Variants in KCNJ6 observed in about 807,000 individuals in gnomAD.
KCNJ6 encodes G protein-activated inward rectifier potassium channel 2.
KCNJ6 carries 9 observed loss-of-function variants against 34.2 expected under a neutral mutation model. The ratio of observed to expected loss-of-function variants is 0.26; its 90% CI spans 0.16 to 0.46. The LOEUF (loss-of-function observed/expected upper bound fraction) is 0.46, where lower values mean the gene tolerates loss of function less well. Among genes scored for constraint, KCNJ6 ranks in the 20% least tolerant of loss-of-function variants. KCNJ6 has a pLI of 1.00. For synonymous variants in KCNJ6, 196 were observed against 207.1 expected, an observed-to-expected ratio of 0.95 and a Z score of 0.46; for missense variants, 236 against 531.3, an observed-to-expected ratio of 0.44 and a Z score of 5.46.
chr21:37,818,125 C>T (rs989882707), intron 2 of KCNJ6, among the ~76,000 whole-genome samples: 2 of 152,082 alleles, frequency 1.3e-5, no homozygotes, highest in Non-Finnish European at 2.9e-5. Flanking sequence ...CCTTATTTCC[C>T]AAACCCTAGG....
intron 1 of KCNJ6, among the ~76,000 whole-genome samples, chr21:37,849,559 C>T (rs994175850): frequency 2.6e-5 from 4 of 152,196 alleles, no homozygotes; most frequent in South Asian, 2.1e-4. Context: ...CCCAGCTCCC[C>T]GCATTCCATG....
chr21:37,610,806 A>G lies in KCNJ6; in HGVS notation c.*14353T>C, dbSNP rs1475039962. ...TATTTTGAAATAAATGAAAATAAAA[A>G]CATAGCTTATTATAATTTGTGGGAT... On this transcript the variant is annotated 3_prime_UTR_variant, in exon 4 of 4. Transcript: ENST00000609713. 6.6e-6 allele frequency: 1 copy of G among 152,092 alleles called. No individual in the cohort carries two copies. Among genetic ancestry groups the G allele is most frequent in the Non-Finnish European group, 1.5e-5 (1 of 67,998 alleles). The allele number at this position is 152,092 out of a possible 1,614,324, so 9.4% of individuals were successfully genotyped here. A position where few individuals can be genotyped will look rare whatever the true frequency, so the allele number is the denominator to read the frequency against.
chr21:37,873,026 T>C (rs1013514925), intron 1 of KCNJ6, among the ~76,000 whole-genome samples: 1 of 152,190 alleles, frequency 6.6e-6, no homozygotes, highest in African/African-American at 2.4e-5. Context: ...CCTTTATAAA[T>C]TACCCAGTCT....
intron 1 of KCNJ6, among the ~76,000 whole-genome samples, chr21:37,885,133 G>A (rs533830651): frequency 1.1e-3 from 164 of 152,332 alleles, no homozygotes; most frequent in Non-Finnish European, 1.5e-3. Flanking sequence ...ACTGCACCCT[G>A]AGTGCTTGGT....
At chr21:37,644,958 G>C (rs1164510083) in intron 3 of KCNJ6, among the ~76,000 whole-genome samples, 1 of 151,354 alleles carries the variant, frequency 6.6e-6, no homozygotes, top group Non-Finnish European at 1.5e-5. Context: ...ATGGGGAGGA[G>C]GGCTGATGAG....
chr21:37,754,266 A>G (rs574160064), intron 2 of KCNJ6, among the ~76,000 whole-genome samples: 1 of 152,352 alleles, frequency 6.6e-6, no homozygotes, highest in South Asian at 2.1e-4. Context: ...TGAGACCTCA[A>G]GGAGACAAAG....
At chr21:37,807,585 G>A (rs775758583) in intron 2 of KCNJ6, among the ~76,000 whole-genome samples, 3 of 152,118 alleles carry the variant, frequency 2.0e-5, no homozygotes, top group Non-Finnish European at 4.4e-5. Context: ...AAATACCATT[G>A]TGTTCCAATT....
chr21:37,908,394 T>A (rs1414751090), intron 1 of KCNJ6, among the ~76,000 whole-genome samples: 1 of 152,210 alleles, frequency 6.6e-6, no homozygotes, highest in Non-Finnish European at 1.5e-5. Context: ...AGGAAAACAA[T>A]GACTATTAGT....
At chr21:37,810,973 C>T (rs762532841) in intron 2 of KCNJ6, among the ~76,000 whole-genome samples, 4 of 152,182 alleles carry the variant, frequency 2.6e-5, no homozygotes, top group Non-Finnish European at 5.9e-5. Context: ...TGGATGGGAA[C>T]TGATCATCAG....
intron 2 of KCNJ6, among the ~76,000 whole-genome samples, chr21:37,793,570 AAGAG>A: frequency 6.6e-6 from 1 of 151,254 alleles, no homozygotes; most frequent in East Asian, 1.9e-4. Context: ...AAAAAAAAAA[AAGAG>A]TGAGAGCTAT....
intron 1 of KCNJ6, among the ~76,000 whole-genome samples, chr21:37,871,052 C>CA (rs2055649318): frequency 6.6e-6 from 1 of 152,024 alleles, no homozygotes; most frequent in South Asian, 2.1e-4. Context: ...CATTCATTAC[C>CA]TTTTTTTTTC....
chr21:37,873,206 C>T (rs772980609), intron 1 of KCNJ6, among the ~76,000 whole-genome samples: 17 of 152,162 alleles, frequency 1.1e-4, no homozygotes, highest in Non-Finnish European at 2.1e-4. Context: ...GCCATGCATG[C>T]GCTGCAGTCG....
intron 2 of KCNJ6, among the ~76,000 whole-genome samples, chr21:37,786,279 G>A (rs1446426742): frequency 2.0e-5 from 3 of 152,206 alleles, no homozygotes; most frequent in Non-Finnish European, 4.4e-5. Flanking sequence ...GGAAGGGTTG[G>A]GGCAGAGGGT....
In KCNJ6 at chr21:37,892,842, G is replaced by T. The variant is rs1293057485; in HGVS notation, c.-28+23042C>A. 2.0e-5 allele frequency among the ~76,000 whole-genome samples: 3 copies of T among 150,310 alleles called. No homozygotes were observed. The Admixed American group carries it at 2.0e-4, about 10-fold the overall frequency. ...TTTTAGCATTCTTTGTCCCCATATG[G>T]CTTCTTTCATAGTTTTTTTTTTTTT... On this transcript the variant is annotated intron_variant, in intron 1 of 3. Coordinates refer to ENST00000609713, the MANE Select transcript of KCNJ6 (RefSeq NM_002240.5).
intron 2 of KCNJ6, among the ~76,000 whole-genome samples, chr21:37,823,143 C>A (rs560668894): frequency 6.6e-6 from 1 of 152,138 alleles, no homozygotes; most frequent in Admixed American, 6.5e-5. Flanking sequence ...CAGCCCCAGT[C>A]TGCAGGCCAG....
chr21:37,614,438 C>CTGTGTATGCATGTGTCTGTGTCTGCGTG lies in KCNJ6; in HGVS notation c.*10720_*10721insCACGCAGACACAGACACATGCATACACA, dbSNP rs1556008394. Reference sequence around the variant, plus strand: ...TGTCTGTGTGAGTATGCGTGTATCTCTGTGTGTATGCATGTGTCTGTGTCT... The same window carrying CTGTGTATGCATGTGTCTGTGTCTGCGTG: ...TGTCTGTGTGAGTATGCGTGTATCTCTGTGTATGCATGTGTCTGTGTCTGCGTGTGTGTGTATGCATGTGTCTGTGTCT... On this transcript the variant is annotated 3_prime_UTR_variant, in exon 4 of 4. Transcript: ENST00000609713. 1,054 of 117,184 alleles carry CTGTGTATGCATGTGTCTGTGTCTGCGTG rather than the reference C, an allele frequency of 9.0e-3. 12 individuals carry two copies. The highest frequency in any genetic ancestry group is 0.022 in the Middle Eastern group (5 of 230). The allele number at this position is 117,184 out of a possible 1,614,324, so 7.3% of individuals were successfully genotyped here. A position where few individuals can be genotyped will look rare whatever the true frequency, so the allele number is the denominator to read the frequency against.
intron 3 of KCNJ6, among the ~76,000 whole-genome samples, chr21:37,637,034 T>C (rs1325538545): frequency 6.6e-6 from 1 of 152,204 alleles, no homozygotes; most frequent in Non-Finnish European, 1.5e-5. Flanking sequence ...GCTACATAGA[T>C]GATGTTTTCC....
At chr21:37,811,884 G>C (rs1440827166) in intron 2 of KCNJ6, among the ~76,000 whole-genome samples, 1 of 152,158 alleles carries the variant, frequency 6.6e-6, no homozygotes, top group Non-Finnish European at 1.5e-5. Flanking sequence ...TGAAAGGGGA[G>C]ACATGGGAAA....
At chr21:37,795,563 G>A (rs971530953) in intron 2 of KCNJ6, among the ~76,000 whole-genome samples, 2 of 152,022 alleles carry the variant, frequency 1.3e-5, no homozygotes, top group African/African-American at 4.8e-5. Context: ...TGGCCAACAT[G>A]GTGAAAACCC....
Sources: gnomAD v4.1 joint callset for allele counts (sites outside exome capture counted in the v4.1 genomes callset) on GRCh38, gnomAD v4.1.1 for gene constraint, MANE v1.5 for transcripts, NCBI Gene and HGNC (gene_info 2026-07-23, HGNC 2026-07-21) for gene names.